Variants in RBFOX1 observed in about 807,000 individuals in gnomAD.
RBFOX1 encodes RNA binding fox-1 homolog 1.
Under a neutral mutation model 57.7 loss-of-function variants are expected in RBFOX1, and 8 were observed. The ratio of observed to expected loss-of-function variants is 0.14; its 90% confidence interval spans 0.08 to 0.25. The LOEUF is 0.25. Among genes scored for constraint, RBFOX1 ranks in the 10% least tolerant of loss-of-function variants. RBFOX1 has a pLI of 1.00. For synonymous variants in RBFOX1, 326 were observed against 222.4 expected (o/e 1.47, Z -4.15); for missense variants, 611 against 548.5 (o/e 1.11, Z -1.14).
intron 1 of RBFOX1, among the ~76,000 whole-genome samples, chr16:5,335,639 G>T (rs1427149210): frequency 6.6e-6 from 1 of 152,178 alleles, no homozygotes; most frequent in Non-Finnish European, 1.5e-5. Flanking sequence ...AAACAGAAAG[G>T]TATTAATGTT....
chr16:5,296,773 G>A (rs1192369418), intron 1 of RBFOX1, among the ~76,000 whole-genome samples: 1 of 151,536 alleles, frequency 6.6e-6, no homozygotes, highest in East Asian at 1.9e-4. Context: ...CTGCCTCCTG[G>A]GTTCAAGCAA....
In RBFOX1 at chr16:6,563,947, C is replaced by G. The variant is rs373115454; in HGVS notation, c.-63-90656C>G. The stretch of plus-strand genomic sequence containing the variant: ...ATATATATCCCATTAGGTCTGCCTG[C>G]CACAGTGGGGATCATTCTTCAACAT... On this transcript the variant is annotated intron_variant, in intron 2 of 15. Transcript: ENST00000550418. 3.0e-4 allele frequency among the ~76,000 whole-genome samples: 46 copies of G among 151,812 alleles called. 3 individuals carry two copies. In the South Asian group the frequency reaches 9.4e-3, roughly 31 times the overall value.
chr16:7,134,114 C>T (rs755957831), intron 4 of RBFOX1, among the ~76,000 whole-genome samples: 104 of 152,230 alleles, frequency 6.8e-4, no homozygotes, highest in Middle Eastern at 3.4e-3. Flanking sequence ...ATTGACTGCC[C>T]TGCAAATACA....
At chr16:5,655,134 T>C (rs978878633) in intron 3 of RBFOX1, among the ~76,000 whole-genome samples, 1 of 152,152 alleles carries the variant, frequency 6.6e-6, no homozygotes, top group Non-Finnish European at 1.5e-5. Context: ...AAATGGAACA[T>C]ATTTTATTAT....
intron 3 of RBFOX1, among the ~76,000 whole-genome samples, chr16:6,829,380 C>A (rs1374999443): frequency 6.6e-6 from 1 of 150,748 alleles, no homozygotes. Context: ...CACATACATA[C>A]ACAGACACAC....
intron 3 of RBFOX1, among the ~76,000 whole-genome samples, chr16:6,972,457 A>C (rs2085794898): frequency 6.6e-6 from 1 of 152,104 alleles, no homozygotes; most frequent in African/African-American, 2.4e-5. Context: ...CCTTATGTGG[A>C]ATGGATACAT....
At chr16:7,220,801 A>G (rs12445042) in intron 4 of RBFOX1, among the ~76,000 whole-genome samples, 79,194 of 151,894 alleles carry the variant, frequency 0.52, 21,996 homozygotes, top group East Asian at 0.76. Flanking sequence ...CATTTTAAAT[A>G]GGCATCTTGG....
At chr16:6,472,960 T>C (rs749364710) in intron 2 of RBFOX1, among the ~76,000 whole-genome samples, 1 of 152,072 alleles carries the variant, frequency 6.6e-6, no homozygotes, top group Non-Finnish European at 1.5e-5. Flanking sequence ...GAAGAATTGT[T>C]GTAAGGAAGA....
At chr16:7,390,381 T>A (rs1317533205) in intron 4 of RBFOX1, among the ~76,000 whole-genome samples, 1 of 152,218 alleles carries the variant, frequency 6.6e-6, no homozygotes, top group African/African-American at 2.4e-5. Context: ...CCCAAACTCA[T>A]GTTCTTAACT....
chr16:5,348,351 T>C (rs1457304997), intron 1 of RBFOX1, among the ~76,000 whole-genome samples: 4 of 152,194 alleles, frequency 2.6e-5, no homozygotes, highest in Admixed American at 6.5e-5. Context: ...CTAATAGTAA[T>C]AGGTGAAAAT....
At chr16:7,456,403 G>C (rs2058520347) in intron 4 of RBFOX1, among the ~76,000 whole-genome samples, 1 of 152,154 alleles carries the variant, frequency 6.6e-6, no homozygotes, top group Non-Finnish European at 1.5e-5. Flanking sequence ...CTTGTTTTAT[G>C]GGCCGGGATT....
chr16:7,350,644 G>A (rs1195644658), intron 4 of RBFOX1, among the ~76,000 whole-genome samples: 5 of 152,126 alleles, frequency 3.3e-5, no homozygotes, highest in South Asian at 2.1e-4. Context: ...TGGTGAAGAC[G>A]ACCAGTACCA....
chr16:5,374,532 A>G (rs1417525759), intron 1 of RBFOX1, among the ~76,000 whole-genome samples: 1 of 152,128 alleles, frequency 6.6e-6, no homozygotes, highest in African/African-American at 2.4e-5. Context: ...GAAGAATCAC[A>G]GGGAGTGGGA....
intron 1 of RBFOX1, among the ~76,000 whole-genome samples, chr16:5,327,420 G>A (rs1261476916): frequency 1.3e-5 from 2 of 152,222 alleles, no homozygotes; most frequent in African/African-American, 2.4e-5. Flanking sequence ...TAGGATGCAT[G>A]CTTTCAGTCC....
intron 4 of RBFOX1, among the ~76,000 whole-genome samples, chr16:7,372,936 A>ATT (rs137947158): frequency 8.2e-5 from 12 of 146,886 alleles, no homozygotes; most frequent in African/African-American, 3.0e-4. Flanking sequence ...TAGAAATTGC[A>ATT]TTTTTTTTTT....
At chr16:5,743,070 C>G (rs965711734) in intron 3 of RBFOX1, among the ~76,000 whole-genome samples, 2 of 152,088 alleles carry the variant, frequency 1.3e-5, no homozygotes, top group Non-Finnish European at 2.9e-5. Context: ...AAGTGCTTTT[C>G]TCAAATGGAC....
rs1272807125 is a variant in RBFOX1 at position 6,450,827 on chromosome 16, A to ATGTG, written c.-64+133771_-64+133772insGTGT. Among the ~76,000 whole-genome samples the ATGTG allele has an allele frequency of 5.5e-3, 198 of 35,842 alleles. 43 individuals are homozygous for ATGTG. The highest frequency in any genetic ancestry group is 0.026 in the African/African-American group (186 of 7,094). The allele number at this position is 35,842 out of a possible 152,430, so 23.5% of individuals were successfully genotyped here. On this transcript the variant is annotated intron_variant, in intron 2 of 15. Transcript: ENST00000550418. ...TATATATATATATATACATATATAT[A>ATGTG]TATATATATGTGTATATATATATAT...
intron 4 of RBFOX1, among the ~76,000 whole-genome samples, chr16:5,989,126 C>T (rs1273804706): frequency 6.6e-6 from 1 of 151,266 alleles, no homozygotes; most frequent in Admixed American, 6.6e-5. Context: ...CGAGACCATC[C>T]TGACTAACAC....
At chr16:6,208,792 A>G (rs2097272640) in intron 1 of RBFOX1, among the ~76,000 whole-genome samples, 1 of 152,138 alleles carries the variant, frequency 6.6e-6, no homozygotes, top group African/African-American at 2.4e-5. Context: ...CCTTCCTATC[A>G]AGGCAAGGAT....
Sources: gnomAD v4.1 joint callset for allele counts (sites outside exome capture counted in the v4.1 genomes callset) on GRCh38, gnomAD v4.1.1 for gene constraint, MANE v1.5 for transcripts, NCBI Gene and HGNC (gene_info 2026-07-23, HGNC 2026-07-21) for gene names.